OSBPL8: variants seen among roughly 807,000 people sequenced by gnomAD.
The protein encoded by OSBPL8 is oxysterol-binding protein-related protein 8.
In OSBPL8, 59 loss-of-function variants were observed where a neutral mutation model predicts 125.5. The ratio of observed to expected loss-of-function variants is 0.47; its 90% confidence interval spans 0.38 to 0.58. The LOEUF is 0.58. Among genes scored for constraint, OSBPL8 ranks in the 20% least tolerant of loss-of-function variants. OSBPL8 has a pLI of 0.00. For missense variants in OSBPL8, 758 were observed against 1,047.8 expected, an observed-to-expected ratio of 0.72 and a Z score of 3.82; for synonymous variants, 330 against 338.9, an observed-to-expected ratio of 0.97 and a Z score of 0.29.
At chr12:76,433,536 G>A (rs1213214188) in intron 4 of OSBPL8, among the ~76,000 whole-genome samples, 1 of 151,956 alleles carries the variant, frequency 6.6e-6, no homozygotes, top group Non-Finnish European at 1.5e-5. Flanking sequence ...AGTGATGAAG[G>A]AAATGAAAGA....
At position 76,459,861 on chromosome 12, in the gene OSBPL8, G is replaced by C. The variant is rs1223123046; in HGVS notation, c.77C>G (p.Ser26Ter). 1.2e-6 allele frequency: 2 copies of C among 1,613,644 alleles called. No individual in the cohort carries two copies. The highest frequency in any genetic ancestry group is 8.5e-7 in the Non-Finnish European group (1 of 1,179,908). ...CCGTTCAAGCTTCAGCTACTTACTT[G>C]ATGGCCCAAGGACATCTTTGCTATC... Reference protein sequence around the residue: ...LGDSKDVLGPSTVVANSDESQ... With the variant: ...LGDSKDVLGP The change falls in exon 3 of 24, where the codon TCA becomes TGA. Residue 26 changes from serine (S) to a stop codon, truncating the protein, a stop_gained and splice_region_variant. Transcript: ENST00000261183. LOFTEE classifies it high-confidence loss of function.
At chr12:76,552,956 TTTTC>T (rs1378104453) in intron 1 of OSBPL8, among the ~76,000 whole-genome samples, 2 of 152,242 alleles carry the variant, frequency 1.3e-5, no homozygotes, top group Non-Finnish European at 2.9e-5. Context: ...ACAGCACTGC[TTTTC>T]TTTACTTCCA....
At chr12:76,543,733 T>A (rs1950707779) in intron 1 of OSBPL8, among the ~76,000 whole-genome samples, 8 of 152,190 alleles carry the variant, frequency 5.3e-5, no homozygotes, top group Admixed American at 5.2e-4. Flanking sequence ...ACAAACTACA[T>A]AACTATTAAT....
At chr12:76,394,098 T>C (rs1312347964) in intron 9 of OSBPL8, among the ~76,000 whole-genome samples, 3 of 152,162 alleles carry the variant, frequency 2.0e-5, no homozygotes, top group Non-Finnish European at 2.9e-5. Context: ...ATACCAACCT[T>C]GTCTAAACTA....
At chr12:76,479,419 C>G (rs1877202216) in intron 2 of OSBPL8, among the ~76,000 whole-genome samples, 1 of 152,096 alleles carries the variant, frequency 6.6e-6, no homozygotes, top group Non-Finnish European at 1.5e-5. Context: ...TTTGCTTGCT[C>G]AAAAGGTACA....
At chr12:76,486,258 A>T (rs1878121455) in intron 2 of OSBPL8, 1 of 237,770 alleles carries the variant, frequency 4.2e-6, no homozygotes, top group South Asian at 4.9e-5. Context: ...CTGTTCCTAC[A>T]CTGGAGCCTG....
chr12:76,375,388 G>C lies in OSBPL8; in HGVS notation c.1730-18C>G, dbSNP rs201630100. ...AAGAATTCCTAAAGGAAAAAGATTT[G>C]ACAAAAAATTGAAAAGAGTATAGTA... On this transcript the variant is annotated intron_variant, in intron 16 of 23. Transcript: ENST00000261183. The C allele has an allele frequency of 2.4e-5, 38 of 1,573,354 alleles. 2 individuals carry two copies. In the East Asian group the frequency reaches 2.5e-4, roughly 10 times the overall value.
intron 17 of OSBPL8, among the ~76,000 whole-genome samples, chr12:76,374,405 G>A (rs1027992238): frequency 3.9e-5 from 6 of 152,144 alleles, no homozygotes; most frequent in Middle Eastern, 3.4e-3. Flanking sequence ...CTTGAATTTG[G>A]GTGGTCTTAC....
At chr12:76,405,919 C>T (rs1171242693) in intron 5 of OSBPL8, among the ~76,000 whole-genome samples, 1 of 151,936 alleles carries the variant, frequency 6.6e-6, no homozygotes, top group Admixed American at 6.6e-5. Flanking sequence ...TACTTCTTTC[C>T]TTCTCTTTTT....
At chr12:76,523,262 G>C (rs751885381) in intron 1 of OSBPL8, among the ~76,000 whole-genome samples, 56 of 152,286 alleles carry the variant, frequency 3.7e-4, no homozygotes, top group African/African-American at 7.7e-4. Flanking sequence ...ATTTAAAGGA[G>C]AGTAGGGAAG....
chr12:76,405,632 C>T (rs115456248), intron 5 of OSBPL8, among the ~76,000 whole-genome samples: 1,593 of 152,288 alleles, frequency 0.01, 36 homozygotes, highest in African/African-American at 0.037. Context: ...TCTGCCATAA[C>T]GTGCAGTCTA....
intron 4 of OSBPL8, among the ~76,000 whole-genome samples, chr12:76,448,160 C>CT (rs1872940245): frequency 6.6e-6 from 1 of 152,114 alleles, no homozygotes; most frequent in African/African-American, 2.4e-5. Flanking sequence ...GTAATTTACT[C>CT]TAAATATTCA....
At chr12:76,474,992 T>G (rs1249322432) in intron 2 of OSBPL8, among the ~76,000 whole-genome samples, 1 of 152,218 alleles carries the variant, frequency 6.6e-6, no homozygotes, top group Non-Finnish European at 1.5e-5. Context: ...ATCTCTTTAT[T>G]GTTCTACTGT....
At chr12:76,424,674 T>C (rs896867826) in intron 4 of OSBPL8, among the ~76,000 whole-genome samples, 1 of 152,188 alleles carries the variant, frequency 6.6e-6, no homozygotes, top group African/African-American at 2.4e-5. Context: ...TTCTCACGTA[T>C]ACAATGCTAA....
chr12:76,532,077 A>C (rs1200414280), intron 1 of OSBPL8, among the ~76,000 whole-genome samples: 1 of 151,536 alleles, frequency 6.6e-6, no homozygotes, highest in Non-Finnish European at 1.5e-5. Flanking sequence ...AAATACACAG[A>C]AATTGACAAA....
At chr12:76,357,328 C>T (rs1952023714) in intron 22 of OSBPL8, among the ~76,000 whole-genome samples, 2 of 152,122 alleles carry the variant, frequency 1.3e-5, no homozygotes, top group Non-Finnish European at 1.5e-5. Context: ...ATTTAACATA[C>T]AGTCTGGCAC....
chr12:76,486,529 CAA>C (rs1232265363), intron 2 of OSBPL8, among the ~76,000 whole-genome samples: 1 of 152,038 alleles, frequency 6.6e-6, no homozygotes. Context: ...CAAAATGCAA[CAA>C]GAGAATTGAA....
intron 1 of OSBPL8, among the ~76,000 whole-genome samples, chr12:76,504,543 T>C (rs1184892096): frequency 6.6e-6 from 1 of 152,174 alleles, no homozygotes; most frequent in Non-Finnish European, 1.5e-5. Flanking sequence ...AAACTGGCTG[T>C]GCAAAAATTT....
In OSBPL8 at chr12:76,450,980, CTACA is replaced by C. The variant is rs753291643; in HGVS notation, c.84_87del (p.Val29GlnfsTer9). On this transcript the variant is annotated frameshift_variant, in exon 4 of 24. Transcript: ENST00000261183. LOFTEE classifies it high-confidence loss of function. ...AGAAGCTGAGATTCGTCACTGTTTGCTACAACAGCTCAAGGAAAGAAGGGAAAAA... is the reference window on the plus strand; with the variant it reads ...AGAAGCTGAGATTCGTCACTGTTTGCACAGCTCAAGGAAAGAAGGGAAAAA... 1.2e-5 allele frequency: 20 copies of C among 1,612,874 alleles called. No individual in the cohort carries two copies. The highest frequency in any genetic ancestry group is 1.5e-5 in the Non-Finnish European group (18 of 1,179,564).
Sources: gnomAD v4.1 joint callset for allele counts (sites outside exome capture counted in the v4.1 genomes callset) on GRCh38, gnomAD v4.1.1 for gene constraint, MANE v1.5 for transcripts, NCBI Gene and HGNC (gene_info 2026-07-23, HGNC 2026-07-21) for gene names.